ASXL3: variants seen among roughly 807,000 people sequenced by gnomAD.
ASXL3 encodes putative Polycomb group protein ASXL3.
In ASXL3, 34 loss-of-function variants were observed where a neutral mutation model predicts 170.6. The observed-to-expected ratio is 0.20, with a 90% CI of 0.15 to 0.27. The LOEUF (loss-of-function observed/expected upper bound fraction) is 0.27, where lower values mean the gene tolerates loss of function less well. Ranked by LOEUF, ASXL3 falls within the 10% of genes least tolerant of loss-of-function variation. The pLI is 1.00. For synonymous variants in ASXL3, 1,002 were observed against 989.1 expected, an observed-to-expected ratio of 1.01 and a Z score of -0.24; for missense variants, 2,592 against 2,695.3, an observed-to-expected ratio of 0.96 and a Z score of 0.85.
chr18:33,670,205 T>C (rs917144695), intron 5 of ASXL3, among the ~76,000 whole-genome samples: 3 of 152,246 alleles, frequency 2.0e-5, no homozygotes, highest in African/African-American at 4.8e-5. Context: ...GCATCAATAC[T>C]GTAGTCCTTA....
chr18:33,659,381 G>A (rs1243309665), intron 4 of ASXL3, among the ~76,000 whole-genome samples: 1 of 151,944 alleles, frequency 6.6e-6, no homozygotes, highest in Non-Finnish European at 1.5e-5. Flanking sequence ...TCCTTTAAAC[G>A]AACTAACCTG....
At chr18:33,616,496 T>C (rs1003865524) in intron 2 of ASXL3, among the ~76,000 whole-genome samples, 13 of 151,998 alleles carry the variant, frequency 8.6e-5, no homozygotes, top group African/African-American at 3.1e-4. Flanking sequence ...ATTGGATTGC[T>C]GAATGGGAAG....
At chr18:33,741,173 C>G (rs537034270) in intron 11 of ASXL3, among the ~76,000 whole-genome samples, 1 of 151,854 alleles carries the variant, frequency 6.6e-6, no homozygotes, top group East Asian at 1.9e-4. Context: ...TTTTAATTTC[C>G]GAAGCAATAG....
At chr18:33,654,488 G>C (rs59848071) in intron 4 of ASXL3, among the ~76,000 whole-genome samples, 1 of 152,030 alleles carries the variant, frequency 6.6e-6, no homozygotes, top group African/African-American at 2.4e-5. Flanking sequence ...CTTTATCGGA[G>C]TTTATAGTTT....
At chr18:33,693,774 G>T (rs2066727177) in intron 8 of ASXL3, among the ~76,000 whole-genome samples, 1 of 152,168 alleles carries the variant, frequency 6.6e-6, no homozygotes, top group Admixed American at 6.5e-5. Flanking sequence ...CCAGAAGTTA[G>T]ATTTTGCAAA....
intron 1 of ASXL3, among the ~76,000 whole-genome samples, chr18:33,591,931 A>AT (rs948564214): frequency 4.8e-4 from 70 of 146,764 alleles, no homozygotes; most frequent in African/African-American, 8.2e-4. Context: ...AACACTACTT[A>AT]TTTTTTTTTT....
intron 2 of ASXL3, chr18:33,625,708 G>A (rs968123911): frequency 1.3e-5 from 2 of 152,040 alleles, no homozygotes; most frequent in Admixed American, 1.3e-4. Context: ...ATACCAAGTA[G>A]GTAGGGGAGG....
At chr18:33,685,999 CT>C (rs1466519531) in intron 8 of ASXL3, among the ~76,000 whole-genome samples, 2 of 152,186 alleles carry the variant, frequency 1.3e-5, no homozygotes, top group African/African-American at 4.8e-5. Context: ...TCAATAAATA[CT>C]TTTGTAATGA....
chr18:33,587,092 G>A (rs1483043796), intron 1 of ASXL3, among the ~76,000 whole-genome samples: 1 of 152,104 alleles, frequency 6.6e-6, no homozygotes, highest in Non-Finnish European at 1.5e-5. Flanking sequence ...TTCAAGAACA[G>A]ATACAATTTT....
Position 33,740,436 on chromosome 18 carries a change from C to G in ASXL3, c.3032C>G (p.Pro1011Arg). The change falls in exon 11 of 12, where the codon CCT (proline) becomes CGT (arginine). Residue 1011 changes from proline (P) to arginine (R), a missense_variant. By Grantham distance (103) the Pro-to-Arg change is moderately radical. Coordinates refer to ENST00000269197, the MANE Select transcript of ASXL3 (RefSeq NM_030632.3). ...QPPREEPRVP[P>R]LKIQLSKIGP... is the part of the protein sequence containing the mutation. ...CCCAGAGAGGAACCAAGGGTTCCCCCTCTCAAGGTATGGTATTAAATAAAC... is the reference window on the plus strand; with the variant it reads ...CCCAGAGAGGAACCAAGGGTTCCCCGTCTCAAGGTATGGTATTAAATAAAC... 6.4e-7 allele frequency: 1 copy of G among 1,565,454 alleles called. No homozygotes were observed. Among genetic ancestry groups the G allele is most frequent in the East Asian group, 2.2e-5 (1 of 44,500 alleles).
In ASXL3 at chr18:33,739,644, C is replaced by T. The variant is rs770530147; in HGVS notation, c.2240C>T (p.Pro747Leu). Residue 747 changes from proline (P) to leucine (L), a missense_variant, in exon 11 of 12, where the codon CCA becomes CTA. Coordinates refer to ENST00000269197, the MANE Select transcript of ASXL3 (RefSeq NM_030632.3). ...TSETTFVSSL[P>L]LPSETSPISN... ...GAGACCACTTTTGTATCCAGTTTGC[C>T]ACTTCCTTCAGAAACATCTCCAATT... The T allele has an allele frequency of 9.9e-6, 16 of 1,613,770 alleles. No homozygotes were observed. In the Admixed American group the frequency reaches 2.5e-4, roughly 25 times the overall value.
intron 8 of ASXL3, among the ~76,000 whole-genome samples, chr18:33,731,459 C>T (rs192392876): frequency 2.6e-5 from 4 of 152,244 alleles, no homozygotes; most frequent in Non-Finnish European, 5.9e-5. Context: ...ATACCTTATG[C>T]TTTTATCTCT....
At chr18:33,600,723 T>C (rs1288710484) in intron 1 of ASXL3, among the ~76,000 whole-genome samples, 5 of 152,136 alleles carry the variant, frequency 3.3e-5, no homozygotes, top group African/African-American at 1.2e-4. Context: ...CACTTCTCAA[T>C]TGCATAGAAT....
intron 1 of ASXL3, among the ~76,000 whole-genome samples, chr18:33,603,273 G>A (rs1378739930): frequency 6.6e-6 from 1 of 151,918 alleles, no homozygotes; most frequent in Non-Finnish European, 1.5e-5. Context: ...GCCTTAATAT[G>A]CTTGAGCCAG....
intron 1 of ASXL3, among the ~76,000 whole-genome samples, chr18:33,590,210 A>G (rs779508482): frequency 3.3e-5 from 5 of 150,892 alleles, no homozygotes; most frequent in East Asian, 2.0e-4. Context: ...CACTGGCACA[A>G]CCTACGTGTG....
chr18:33,639,880 A>G (rs1320326334), intron 2 of ASXL3, among the ~76,000 whole-genome samples: 1 of 152,204 alleles, frequency 6.6e-6, no homozygotes, highest in Non-Finnish European at 1.5e-5. Flanking sequence ...TTTAAGAATT[A>G]AAGTGTACAA....
At chr18:33,632,418 C>G (rs1339846348) in intron 2 of ASXL3, among the ~76,000 whole-genome samples, 1 of 152,122 alleles carries the variant, frequency 6.6e-6, no homozygotes, top group Non-Finnish European at 1.5e-5. Context: ...AGTGTTTATC[C>G]TGAACACCAC....
At chr18:33,601,310 C>T (rs1056078129) in intron 1 of ASXL3, among the ~76,000 whole-genome samples, 2 of 151,674 alleles carry the variant, frequency 1.3e-5, no homozygotes, top group African/African-American at 2.4e-5. Context: ...TATTTATTAA[C>T]ACTCATTGCT....
chr18:33,614,305 A>G (rs2065384456), intron 2 of ASXL3: 1 of 152,188 alleles, frequency 6.6e-6, no homozygotes, highest in African/African-American at 2.4e-5. Flanking sequence ...TTTTATCTCA[A>G]GAAACTACCT....
Sources: gnomAD v4.1 joint callset for allele counts (sites outside exome capture counted in the v4.1 genomes callset) on GRCh38, gnomAD v4.1.1 for gene constraint, MANE v1.5 for transcripts, NCBI Gene and HGNC (gene_info 2026-07-23, HGNC 2026-07-21) for gene names.